The following SLC9A2 variants were observed in gnomAD, a reference collection of about 807,000 sequenced individuals.
SLC9A2 encodes the protein sodium/hydrogen exchanger 2.
In SLC9A2, 42 loss-of-function variants were observed where a neutral mutation model predicts 71.7. The ratio of observed to expected loss-of-function variants is 0.59; its 90% CI spans 0.46 to 0.76. The LOEUF (loss-of-function observed/expected upper bound fraction) is 0.76, where lower values mean the gene tolerates loss of function less well. Among genes scored for constraint, SLC9A2 ranks in the 30% least tolerant of loss-of-function variants. SLC9A2 has a pLI of 0.00. For synonymous variants in SLC9A2, 396 were observed against 392.5 expected (o/e 1.01, Z -0.10); for missense variants, 829 against 1,017.4 (o/e 0.81, Z 2.52).
At chr2:102,694,718 TAG>T (rs1212512614) in intron 6 of SLC9A2, among the ~76,000 whole-genome samples, 1 of 152,112 alleles carries the variant, frequency 6.6e-6, no homozygotes, top group Non-Finnish European at 1.5e-5. Flanking sequence ...CCTGCATGAG[TAG>T]AGAGACAAGA....
chr2:102,684,174 C>G lies in SLC9A2; in HGVS notation c.1263C>G (p.Thr421=), dbSNP rs1677506520. 6.2e-7 allele frequency: 1 copy of G among 1,614,116 alleles called. No homozygotes were observed. The highest frequency in any genetic ancestry group is 1.3e-5 in the African/African-American group (1 of 75,026). The change falls in exon 5 of 12, where the codon ACC becomes ACG. Residue 421 remains threonine, a synonymous_variant. Coordinates refer to ENST00000233969, the MANE Select transcript of SLC9A2 (RefSeq NM_003048.6). ...CTCAGGTCATTAATAGGTTCCGGAC[C>G]ATTCCCCTGACCTTTAAGGACCAGT... ...VLTQVINRFR[T]IPLTFKDQFI...
chr2:102,627,172 A>G (rs1676267121), intron 1 of SLC9A2, among the ~76,000 whole-genome samples: 1 of 151,900 alleles, frequency 6.6e-6, no homozygotes, highest in Admixed American at 6.6e-5. Context: ...ACAAAAAGCC[A>G]GGTTTGGTGG....
At chr2:102,641,523 T>C (rs1399081307) in intron 1 of SLC9A2, among the ~76,000 whole-genome samples, 1 of 151,560 alleles carries the variant, frequency 6.6e-6, no homozygotes, top group Non-Finnish European at 1.5e-5. Flanking sequence ...GAATTCCAAC[T>C]CCTGTTCACT....
chr2:102,643,475 C>T (rs940899836), intron 1 of SLC9A2, among the ~76,000 whole-genome samples: 4 of 152,086 alleles, frequency 2.6e-5, no homozygotes, highest in African/African-American at 4.8e-5. Context: ...TAGATAAAGC[C>T]GGCTATTGTT....
At position 102,684,210 on chromosome 2, in the gene SLC9A2, C is replaced by T; in HGVS notation, c.1299C>T (p.Ala433=). The T allele has an allele frequency of 6.2e-7, 1 of 1,614,094 alleles. No homozygotes were observed. Among genetic ancestry groups the T allele is most frequent in the Non-Finnish European group, 8.5e-7 (1 of 1,179,978 alleles). The stretch of plus-strand genomic sequence containing the variant: ...CCTTTAAGGACCAGTTCATCATTGC[C>T]TATGGAGGACTTCGAGGTGCCATCT... ...PLTFKDQFII[A]YGGLRGAICF... The change falls in exon 5 of 12, where the codon GCC becomes GCT. Residue 433 remains alanine, a synonymous_variant. Transcript: ENST00000233969.
At chr2:102,681,487 T>C (rs1171804813) in intron 3 of SLC9A2, among the ~76,000 whole-genome samples, 1 of 152,200 alleles carries the variant, frequency 6.6e-6, no homozygotes, top group Non-Finnish European at 1.5e-5. Flanking sequence ...TTTATAAGCA[T>C]AGGAATGATA....
At chr2:102,700,068 G>A (rs1677844324) in intron 7 of SLC9A2, among the ~76,000 whole-genome samples, 1 of 152,134 alleles carries the variant, frequency 6.6e-6, no homozygotes, top group Admixed American at 6.5e-5. Context: ...CCATAACATA[G>A]AACATGAGAA....
At chr2:102,668,097 A>C (rs1443157795) in intron 3 of SLC9A2, among the ~76,000 whole-genome samples, 2 of 152,072 alleles carry the variant, frequency 1.3e-5, no homozygotes, top group Non-Finnish European at 2.9e-5. Context: ...ATAAAAAAAA[A>C]ACTAAAATTG....
rs926266951 is a variant in SLC9A2 at position 102,684,025 on chromosome 2, T to A, written c.1223-109T>A. 6 of 761,444 alleles carry A rather than the reference T, an allele frequency of 7.9e-6. No individual in the cohort carries two copies. The Admixed American group carries it at 1.5e-4, about 19-fold the overall frequency. 47.2% of individuals were successfully genotyped at this position (761,444 alleles called of 1,614,324 possible). A position where few individuals can be genotyped will look rare whatever the true frequency, so the allele number is the denominator to read the frequency against. ...GAAAAAGGGGAAAGACTTTGGGGCCTATTCTTAAATCCTTTGTCCCCATCG... is the reference window on the plus strand; with the variant it reads ...GAAAAAGGGGAAAGACTTTGGGGCCAATTCTTAAATCCTTTGTCCCCATCG... On this transcript the variant is annotated intron_variant, in intron 4 of 11. Transcript: ENST00000233969.
intron 5 of SLC9A2, among the ~76,000 whole-genome samples, chr2:102,687,672 G>A (rs1677574166): frequency 6.6e-6 from 1 of 152,112 alleles, no homozygotes; most frequent in Admixed American, 6.5e-5. Flanking sequence ...TGATATCATA[G>A]TTTATCATGA....
At chr2:102,705,746 C>A in intron 10 of SLC9A2, 100 bp from the exon 11 acceptor site, 1 of 633,886 alleles carries the variant, frequency 1.6e-6, no homozygotes, top group South Asian at 3.0e-5. Flanking sequence ...AATTAAAATT[C>A]TGATTTTTAA....
intron 3 of SLC9A2, among the ~76,000 whole-genome samples, chr2:102,668,240 A>G (rs1677181176): frequency 1.3e-5 from 2 of 152,154 alleles, no homozygotes; most frequent in Admixed American, 1.3e-4. Context: ...ACACATTCAC[A>G]TTGGGGTATG....
At chr2:102,637,690 T>C (rs777549879) in intron 1 of SLC9A2, among the ~76,000 whole-genome samples, 13 of 152,240 alleles carry the variant, frequency 8.5e-5, no homozygotes, top group Non-Finnish European at 1.9e-4. Flanking sequence ...ACCCCATTGA[T>C]AAAAACCAAC....
chr2:102,657,260 TC>T (rs1470609073), intron 1 of SLC9A2, among the ~76,000 whole-genome samples: 3 of 151,980 alleles, frequency 2.0e-5, no homozygotes, highest in Non-Finnish European at 2.9e-5. Context: ...TTTCCACAGT[TC>T]CAGCCCTGAA....
intron 2 of SLC9A2, among the ~76,000 whole-genome samples, chr2:102,661,419 T>C (rs1028955958): frequency 5.3e-5 from 8 of 152,206 alleles, no homozygotes; most frequent in African/African-American, 1.9e-4. Flanking sequence ...CAGTGACCAC[T>C]TGGATCTTAA....
chr2:102,639,588 A>C (rs1676533889), intron 1 of SLC9A2, among the ~76,000 whole-genome samples: 1 of 152,230 alleles, frequency 6.6e-6, no homozygotes, highest in African/African-American at 2.4e-5. Context: ...TTGTAAGTGA[A>C]CAATTCAGTG....
At chr2:102,683,874 C>T (rs566547223) in intron 4 of SLC9A2, among the ~76,000 whole-genome samples, 1 of 152,156 alleles carries the variant, frequency 6.6e-6, no homozygotes, top group East Asian at 1.9e-4. Flanking sequence ...CTTTTCTTCT[C>T]TGAGTATCTT....
intron 3 of SLC9A2, among the ~76,000 whole-genome samples, chr2:102,671,275 A>T (rs1372683696): frequency 6.6e-6 from 1 of 151,956 alleles, no homozygotes; most frequent in African/African-American, 2.4e-5. Context: ...TTTTAATTAT[A>T]GTGTATGCTT....
chr2:102,699,382 G>A (rs1030578784), intron 7 of SLC9A2, among the ~76,000 whole-genome samples: 1 of 152,196 alleles, frequency 6.6e-6, no homozygotes, highest in Non-Finnish European at 1.5e-5. Context: ...GCCAGATCCA[G>A]ATTGTGTAGG....
Sources: gnomAD v4.1 joint callset for allele counts (sites outside exome capture counted in the v4.1 genomes callset) on GRCh38, gnomAD v4.1.1 for gene constraint, MANE v1.5 for transcripts, NCBI Gene and HGNC (gene_info 2026-07-23, HGNC 2026-07-21) for gene names.